Variants in IFIT1 observed in about 807,000 individuals in gnomAD.
The protein encoded by IFIT1 is interferon induced protein with tetratricopeptide repeats 1.
IFIT1 carries 1 observed loss-of-function variant against 2.5 expected under a neutral mutation model. That is an observed-to-expected ratio of 0.40 (90% CI 0.14 to 1.92). The LOEUF is 1.92. Among genes scored for constraint, IFIT1 ranks in the 40% most tolerant of loss-of-function variants. The pLI, the probability that IFIT1 is intolerant of heterozygous loss-of-function variation, is 0.31. For missense variants in IFIT1, 508 were observed against 557.8 expected (o/e 0.91, Z 0.90); for synonymous variants, 191 against 201.7 (o/e 0.95, Z 0.45).
Position 89,392,635 on chromosome 10 carries a change from A to G in IFIT1, c.-78A>G. ...GGGGTTTAAACGTAACTGAAAATCC[A>G]CAAGACAGAATAGCCAGATCTCAGA... On this transcript the variant is annotated 5_prime_UTR_variant, in exon 1 of 2. Transcript: ENST00000371804. The G allele has an allele frequency of 1.3e-6, 2 of 1,528,264 alleles. No homozygotes were observed. The highest frequency in any genetic ancestry group is 1.8e-6 in the Non-Finnish European group (2 of 1,102,376). The allele number at this position is 1,528,264 out of a possible 1,614,324, so 94.7% of individuals were successfully genotyped here.
rs1424358216 is a variant in IFIT1 at position 89,404,750 on chromosome 10, T to A, written c.*1038T>A. 6.6e-6 allele frequency: 1 copy of A among 151,536 alleles called. No individual in the cohort carries two copies. Among genetic ancestry groups the A allele is most frequent in the African/African-American group, 2.4e-5 (1 of 41,144 alleles). The allele number at this position is 151,536 out of a possible 1,614,324, so 9.4% of individuals were successfully genotyped here. A position where few individuals can be genotyped will look rare whatever the true frequency, so the allele number is the denominator to read the frequency against. On this transcript the variant is annotated 3_prime_UTR_variant, in exon 2 of 2. Transcript: ENST00000371804. Reference sequence around the variant, plus strand: ...CAGGCAGATCACCTGAACCCAGGAGTTCGAGAGCAGCCTTGGCAATGGCAA... The same window carrying A: ...CAGGCAGATCACCTGAACCCAGGAGATCGAGAGCAGCCTTGGCAATGGCAA...
chr10:89,393,731 AAAAC>A (rs981855451), intron 1 of IFIT1, among the ~76,000 whole-genome samples: 4 of 152,220 alleles, frequency 2.6e-5, no homozygotes, highest in Non-Finnish European at 5.9e-5. Context: ...CTCCGTCTCA[AAAAC>A]AAACAAACAA....
In IFIT1 at chr10:89,403,902, A is replaced by G. The variant is rs1844485736; in HGVS notation, c.*190A>G. On this transcript the variant is annotated 3_prime_UTR_variant, in exon 2 of 2. Transcript: ENST00000371804. ...ACAGAATGTGTGTATGCATGTAAGA[A>G]AGAGAAATCATTTGTATGAGTGCTA... 1 of 505,618 alleles carries G rather than the reference A, an allele frequency of 2.0e-6. No individual in the cohort carries two copies. The allele number at this position is 505,618 out of a possible 1,614,324, so 31.3% of individuals were successfully genotyped here.
In IFIT1 at chr10:89,402,285, A is replaced by G; in HGVS notation, c.10A>G (p.Asn4Asp). 1.9e-6 allele frequency: 3 copies of G among 1,604,012 alleles called. No individual in the cohort carries two copies. Among genetic ancestry groups the G allele is most frequent in the Non-Finnish European group, 2.6e-6 (3 of 1,174,216 alleles). ...AATCTGTTTTTGTTTTTACAGTACA[A>G]ATGGTGATGATCATCAGGTCAAGGA... MST[N>D]GDDHQVKDSL... The change falls in exon 2 of 2, where the codon AAT becomes GAT. Residue 4 changes from asparagine to aspartate, a missense_variant. Transcript: ENST00000371804.
intron 1 of IFIT1, among the ~76,000 whole-genome samples, chr10:89,398,630 A>G (rs917485223): frequency 6.6e-6 from 1 of 152,184 alleles, no homozygotes; most frequent in African/African-American, 2.4e-5. Flanking sequence ...ATCATACAAT[A>G]TTGTCCTTTT....
rs1190873110 is a variant in IFIT1, at chr10:89,406,377, A to G, written c.*2665A>G. 1 of 152,236 alleles carries G rather than the reference A, an allele frequency of 6.6e-6. No homozygotes were observed. The highest frequency in any genetic ancestry group is 2.4e-5 in the African/African-American group (1 of 41,450). The allele number at this position is 152,236 out of a possible 1,614,324, so 9.4% of individuals were successfully genotyped here. ...CAGCAGGATGTGGGTGGGGCCAAGT[A>G]AGGGAATAAAAGCAGGCCACCCGAG... On this transcript the variant is annotated 3_prime_UTR_variant, in exon 2 of 2. Transcript: ENST00000371804.
chr10:89,399,064 A>G (rs1309279813), intron 1 of IFIT1, among the ~76,000 whole-genome samples: 1 of 152,146 alleles, frequency 6.6e-6, no homozygotes. Flanking sequence ...ATAATAGCCA[A>G]CCTAACAGAC....
At chr10:89,399,865 C>T (rs550249358) in intron 1 of IFIT1, among the ~76,000 whole-genome samples, 1 of 151,286 alleles carries the variant, frequency 6.6e-6, no homozygotes, top group Non-Finnish European at 1.5e-5. Context: ...CCAAAGCTCA[C>T]TCTCTCTCTC....
chr10:89,403,493 A>G lies in IFIT1; in HGVS notation c.1218A>G (p.Ile406Met), dbSNP rs763411464. 3.7e-6 allele frequency: 6 copies of G among 1,612,350 alleles called. No homozygotes were observed. The Admixed American group carries it at 5.0e-5, about 14-fold the overall frequency. Residue 406 changes from isoleucine (I) to methionine (M), a missense_variant, in exon 2 of 2, where the codon ATA (isoleucine) becomes ATG (methionine). Coordinates refer to ENST00000371804, the MANE Select transcript of IFIT1 (RefSeq NM_001548.5). ...CAATTATCCATTATTTAAAAGCTAT[A>G]AAAATAGAACAGGCATCATTAACAA... is the stretch of plus-strand genomic sequence containing the variant. ...VNAIIHYLKA[I>M]KIEQASLTRD...
rs1356057059 is a variant in IFIT1 at position 89,404,035 on chromosome 10, C to T, written c.*323C>T. On this transcript the variant is annotated 3_prime_UTR_variant, in exon 2 of 2. Coordinates refer to ENST00000371804, the MANE Select transcript of IFIT1 (RefSeq NM_001548.5). ...TGTGAAATAAAAATAAAATCCTTAG[C>T]TCCTCCACCAACTGAACAGACCCTC... 5.2e-6 allele frequency: 1 copy of T among 190,626 alleles called. No homozygotes were observed. Among genetic ancestry groups the T allele is most frequent in the Non-Finnish European group, 1.1e-5 (1 of 94,554 alleles). The allele number at this position is 190,626 out of a possible 1,614,324, so 11.8% of individuals were successfully genotyped here.
intron 1 of IFIT1, among the ~76,000 whole-genome samples, chr10:89,400,633 C>A (rs1844408687): frequency 6.6e-6 from 1 of 152,114 alleles, no homozygotes; most frequent in Non-Finnish European, 1.5e-5. Flanking sequence ...TTGTATCCTG[C>A]AATTTTGCTG....
chr10:89,394,997 T>C lies in IFIT1; in HGVS notation c.5+2280T>C, dbSNP rs550666168. 1.5e-4 allele frequency among the ~76,000 whole-genome samples: 23 copies of C among 152,334 alleles called. 2 individuals are homozygous for C. Among genetic ancestry groups the C allele is most frequent in the Middle Eastern group, 3.4e-3 (1 of 294 alleles). On this transcript the variant is annotated intron_variant, in intron 1 of 1. Coordinates refer to ENST00000371804, the MANE Select transcript of IFIT1 (RefSeq NM_001548.5). ...TTTCCTAAGCATCCCTTTTTGAATA[T>C]TAAGTTGGACTTTCTCATTCCAGAA...
At chr10:89,397,571 T>C (rs143246406) in intron 1 of IFIT1, among the ~76,000 whole-genome samples, 4 of 152,320 alleles carry the variant, frequency 2.6e-5, no homozygotes, top group Admixed American at 6.5e-5. Context: ...AGACAGGGTC[T>C]TACTATGTTG....
Position 89,403,107 on chromosome 10 carries a change from T to G in IFIT1, c.832T>G (p.Leu278Val), listed in dbSNP as rs761761913. 1.8e-5 allele frequency: 29 copies of G among 1,614,034 alleles called. No homozygotes were observed. Among genetic ancestry groups the G allele is most frequent in the Non-Finnish European group, 2.4e-5 (28 of 1,180,018 alleles). ...AGCTCTTGAGTTATTAAAAAAGGCC[T>G]TGCAGGAAACACCCACTTCTGTCTT... ...DKALELLKKA[L>V]QETPTSVLLH... The change falls in exon 2 of 2, where the codon TTG becomes GTG. Residue 278 changes from leucine to valine, a missense_variant. Transcript: ENST00000371804.
Position 89,402,690 on chromosome 10 carries a change from C to G in IFIT1, c.415C>G (p.Pro139Ala), listed in dbSNP as rs1361783608. Reference sequence around the variant, plus strand: ...TCCCTTCCGCTATAGAATGGAGTGTCCAGAAATAGACTGTGAGGAAGGATG... The same window carrying G: ...TCCCTTCCGCTATAGAATGGAGTGTGCAGAAATAGACTGTGAGGAAGGATG... ...SNPFRYRMEC[P>A]EIDCEEGWAL... is the part of the protein sequence containing the mutation. Residue 139 changes from proline to alanine, a missense_variant, in exon 2 of 2, where the codon CCA becomes GCA. Transcript: ENST00000371804. 6.2e-7 allele frequency: 1 copy of G among 1,614,162 alleles called. No homozygotes were observed. Among genetic ancestry groups the G allele is most frequent in the Admixed American group, 1.7e-5 (1 of 60,030 alleles).
intron 1 of IFIT1, among the ~76,000 whole-genome samples, chr10:89,398,383 C>T (rs554198998): frequency 2.3e-4 from 35 of 152,258 alleles, no homozygotes; most frequent in Non-Finnish European, 2.9e-5. Flanking sequence ...TCCAGGTTTT[C>T]GGCATTGTGC....
At chr10:89,393,270 C>T in intron 1 of IFIT1, 3 of 1,289,656 alleles carry the variant, frequency 2.3e-6, no homozygotes, top group Non-Finnish European at 3.0e-6. Context: ...TGGCCTCTTA[C>T]AACAGGTTTT....
intron 1 of IFIT1, among the ~76,000 whole-genome samples, chr10:89,394,100 C>T (rs1038037870): frequency 6.6e-6 from 1 of 152,140 alleles, no homozygotes; most frequent in Non-Finnish European, 1.5e-5. Flanking sequence ...GCAATTTCAT[C>T]ATTATGCAAA....
Position 89,402,819 on chromosome 10 carries a change from G to A in IFIT1, c.544G>A (p.Ala182Thr). ...AAACCCTGAATCCAGCGCTGGGTAT[G>A]CGATCTCTGCCTATCGCCTGGATGG... ...PENPESSAGY[A>T]ISAYRLDGFK... The change falls in exon 2 of 2, where the codon GCG becomes ACG. Residue 182 changes from alanine to threonine, a missense_variant. Coordinates refer to ENST00000371804, the MANE Select transcript of IFIT1 (RefSeq NM_001548.5). 6.2e-7 allele frequency: 1 copy of A among 1,614,210 alleles called. No homozygotes were observed. Among genetic ancestry groups the A allele is most frequent in the Non-Finnish European group, 8.5e-7 (1 of 1,180,044 alleles).
Sources: allele counts gnomAD v4.1 joint callset (sites outside exome capture counted in the v4.1 genomes callset), GRCh38; gene constraint gnomAD v4.1.1; transcripts MANE v1.5; gene names NCBI Gene and HGNC (gene_info 2026-07-23, HGNC 2026-07-21).